The following PKNOX2 variants were observed in gnomAD, a reference collection of about 807,000 sequenced individuals.
The protein encoded by PKNOX2 is PBX/knotted 1 homeobox 2.
PKNOX2 carries 14 observed loss-of-function variants against 53.1 expected under a neutral mutation model. That is an observed-to-expected ratio of 0.26 (90% CI 0.17 to 0.41). PKNOX2 has a LOEUF of 0.41. Ranked by LOEUF, PKNOX2 falls within the 10% of genes least tolerant of loss-of-function variation. The pLI is 1.00. For missense variants in PKNOX2, 496 were observed against 602.8 expected, an observed-to-expected ratio of 0.82 and a Z score of 1.85; for synonymous variants, 257 against 242.8, an observed-to-expected ratio of 1.06 and a Z score of -0.54.
chr11:125,200,828 G>A (rs1017475773), intron 1 of PKNOX2, among the ~76,000 whole-genome samples: 1 of 152,200 alleles, frequency 6.6e-6, no homozygotes, highest in Non-Finnish European at 1.5e-5. Flanking sequence ...TTAAGCAACT[G>A]AGTGAATGAC....
chr11:125,221,016 G>A (rs35183670), intron 1 of PKNOX2, among the ~76,000 whole-genome samples: 19,118 of 152,186 alleles, frequency 0.13, 1,413 homozygotes, highest in Middle Eastern at 0.17. Flanking sequence ...TCAGCTGGAT[G>A]AAGTGGCGGG....
At chr11:125,426,106 C>T (rs796096782) in intron 10 of PKNOX2, among the ~76,000 whole-genome samples, 38 of 152,320 alleles carry the variant, frequency 2.5e-4, no homozygotes, top group African/African-American at 6.7e-4. Flanking sequence ...CAACAGAAGG[C>T]TCCTTAGAGA....
At chr11:125,363,746 T>A (rs1952043155) in intron 4 of PKNOX2, among the ~76,000 whole-genome samples, 1 of 151,978 alleles carries the variant, frequency 6.6e-6, no homozygotes, top group Admixed American at 6.6e-5. Flanking sequence ...GTGGGTAAGA[T>A]GAGTTTCTTC....
intron 5 of PKNOX2, among the ~76,000 whole-genome samples, chr11:125,378,315 G>C (rs1305534818): frequency 6.6e-6 from 1 of 152,202 alleles, no homozygotes; most frequent in East Asian, 1.9e-4. Flanking sequence ...CAACAGCCTT[G>C]TGTCCTCTGA....
At chr11:125,203,204 A>T (rs149644144) in intron 1 of PKNOX2, among the ~76,000 whole-genome samples, 9 of 152,146 alleles carry the variant, frequency 5.9e-5, no homozygotes, top group Admixed American at 2.0e-4. Context: ...TGCAGCCTCA[A>T]CCAGCTGGGT....
At chr11:125,207,451 C>G (rs551080696) in intron 1 of PKNOX2, among the ~76,000 whole-genome samples, 1 of 152,016 alleles carries the variant, frequency 6.6e-6, no homozygotes, top group South Asian at 2.1e-4. Flanking sequence ...GAGCAGTGGA[C>G]AAAAGCAGAA....
intron 2 of PKNOX2, among the ~76,000 whole-genome samples, chr11:125,294,516 G>A (rs1207603182): frequency 6.6e-6 from 1 of 152,228 alleles, no homozygotes; most frequent in Non-Finnish European, 1.5e-5. Context: ...GGGAGGCAGA[G>A]GTTAGGGGAC....
At chr11:125,339,073 A>G (rs1450212377) in intron 3 of PKNOX2, among the ~76,000 whole-genome samples, 1 of 152,228 alleles carries the variant, frequency 6.6e-6, no homozygotes, top group African/African-American at 2.4e-5. Context: ...ACATGACTAA[A>G]GTTTTCCCTC....
In PKNOX2 at chr11:125,209,409, G is replaced by C. The variant is rs112012794; in HGVS notation, c.-200-25636G>C. Among the ~76,000 whole-genome samples the C allele has an allele frequency of 5.8e-3, 886 of 152,080 alleles. 14 individuals are homozygous for C. Among genetic ancestry groups the C allele is most frequent in the African/African-American group, 0.021 (862 of 41,502 alleles). ...GGTACACACACATACACATGTGCGC[G>C]CACACACACTCACAATTGATGGGCA... On this transcript the variant is annotated intron_variant, in intron 1 of 12. Transcript: ENST00000298282.
chr11:125,276,948 G>A (rs151285253), intron 2 of PKNOX2, among the ~76,000 whole-genome samples: 4,518 of 152,250 alleles, frequency 0.03, 129 homozygotes, highest in Admixed American at 0.081. Context: ...AAGCCCAGGT[G>A]GTCAGCATGG....
At position 125,432,506 on chromosome 11, in the gene PKNOX2, C is replaced by A. The variant is rs1956746193; in HGVS notation, c.*1114C>A. On this transcript the variant is annotated 3_prime_UTR_variant, in exon 13 of 13. Transcript: ENST00000298282. ...GAAGGTGCTACATCCCTCTTCCCAT[C>A]AATATCCTAAATGTGGGGGAGGGCC... 1 of 152,694 alleles carries A rather than the reference C, an allele frequency of 6.5e-6. No individual in the cohort carries two copies. The highest frequency in any genetic ancestry group is 2.4e-5 in the African/African-American group (1 of 41,454). The allele number at this position is 152,694 out of a possible 1,614,324, so 9.5% of individuals were successfully genotyped here.
chr11:125,278,996 A>G (rs1463117200), intron 2 of PKNOX2, among the ~76,000 whole-genome samples: 2 of 152,198 alleles, frequency 1.3e-5, no homozygotes, highest in African/African-American at 2.4e-5. Context: ...GGAGACCACT[A>G]TGGTCTGGCT....
At chr11:125,296,728 T>C (rs1486314748) in intron 2 of PKNOX2, among the ~76,000 whole-genome samples, 4 of 152,336 alleles carry the variant, frequency 2.6e-5, no homozygotes, top group Admixed American at 1.3e-4. Context: ...CTCTGTCTCC[T>C]GGGTTCAAGC....
intron 1 of PKNOX2, among the ~76,000 whole-genome samples, chr11:125,175,255 G>C (rs1291311066): frequency 6.9e-6 from 1 of 145,802 alleles, no homozygotes; most frequent in Non-Finnish European, 1.5e-5. Context: ...AAGGAAAGAA[G>C]GAAGGAAGGA....
intron 12 of PKNOX2, 149 bp from the exon 13 acceptor site, chr11:125,431,017 C>G (rs1956676321): frequency 6.4e-6 from 9 of 1,410,802 alleles, no homozygotes; most frequent in Non-Finnish European, 6.5e-6. Context: ...AGACTTCATA[C>G]CAGGGCATTG....
intron 2 of PKNOX2, among the ~76,000 whole-genome samples, chr11:125,313,698 T>C (rs147192892): frequency 6.6e-6 from 1 of 152,200 alleles, no homozygotes; most frequent in Non-Finnish European, 1.5e-5. Context: ...AAATATATAC[T>C]GTCTAACGTG....
At chr11:125,221,046 T>C (rs915668950) in intron 1 of PKNOX2, among the ~76,000 whole-genome samples, 1 of 152,016 alleles carries the variant, frequency 6.6e-6, no homozygotes, top group African/African-American at 2.4e-5. Flanking sequence ...TCCCAGCTAC[T>C]TGGGAGGCAG....
At chr11:125,206,187 C>T (rs1309745017) in intron 1 of PKNOX2, among the ~76,000 whole-genome samples, 3 of 151,888 alleles carry the variant, frequency 2.0e-5, no homozygotes, top group Middle Eastern at 3.4e-3. Flanking sequence ...GTCTAGTGGG[C>T]GGTGGGGGGG....
At chr11:125,310,293 G>A (rs1389082842) in intron 2 of PKNOX2, among the ~76,000 whole-genome samples, 2 of 151,942 alleles carry the variant, frequency 1.3e-5, no homozygotes, top group Admixed American at 6.6e-5. Flanking sequence ...TCAGGAGTTC[G>A]AGACCAGCCT....
Sources: gnomAD v4.1 joint callset for allele counts (sites outside exome capture counted in the v4.1 genomes callset) on GRCh38, gnomAD v4.1.1 for gene constraint, MANE v1.5 for transcripts, NCBI Gene and HGNC (gene_info 2026-07-23, HGNC 2026-07-21) for gene names.